Variants in SPSB1 observed in about 807,000 individuals in gnomAD.
SPSB1 encodes SPRY domain-containing SOCS box protein 1.
In SPSB1, 8 loss-of-function variants were observed where a neutral mutation model predicts 21.2. That is an observed-to-expected ratio of 0.38 (90% CI 0.22 to 0.68). The LOEUF is 0.68. SPSB1 is among the 30% of genes least tolerant of loss of function. The pLI, the probability that SPSB1 is intolerant of heterozygous loss-of-function variation, is 0.53. For missense variants in SPSB1, 242 were observed against 377.8 expected, an observed-to-expected ratio of 0.64 and a Z score of 2.98; for synonymous variants, 169 against 161.7, an observed-to-expected ratio of 1.05 and a Z score of -0.34.
At position 9,367,322 on chromosome 1, in the gene SPSB1, A is replaced by C; in HGVS notation, c.695-126A>C. ...TAAATTTAAAATGAAAAAGCATTGC[A>C]TTTTTCATTGTTTCTTTACTGATTT... On this transcript the variant is annotated intron_variant, in intron 2 of 2. Coordinates refer to ENST00000328089, the MANE Select transcript of SPSB1 (RefSeq NM_025106.4). This position sits in a 1 kb window ranked among gnomAD's most constrained non-coding sequence, Gnocchi z 5.9. 1 of 1,525,810 alleles carries C rather than the reference A, an allele frequency of 6.6e-7. No individual in the cohort carries two copies. Among genetic ancestry groups the C allele is most frequent in the Non-Finnish European group, 8.9e-7 (1 of 1,117,984 alleles). 94.5% of individuals were successfully genotyped at this position (1,525,810 alleles called of 1,614,324 possible).
chr1:9,313,291 T>C (rs927533988), intron 1 of SPSB1, among the ~76,000 whole-genome samples: 38 of 152,048 alleles, frequency 2.5e-4, no homozygotes, highest in African/African-American at 8.9e-4. Context: ...TCCCAGCTAC[T>C]TGGGAGGCTG....
Position 9,361,156 on chromosome 1 carries a change from C to CTTTTTTTTTTTTTTTTTTTTTTT in SPSB1, c.694+4576_694+4598dup, listed in dbSNP as rs57871457. 2.7e-4 allele frequency among the ~76,000 whole-genome samples: 28 copies of CTTTTTTTTTTTTTTTTTTTTTTT among 102,568 alleles called. 3 individuals are homozygous for CTTTTTTTTTTTTTTTTTTTTTTT. Among genetic ancestry groups the CTTTTTTTTTTTTTTTTTTTTTTT allele is most frequent in the African/African-American group, 8.3e-4 (20 of 24,218 alleles). 67.3% of individuals were successfully genotyped at this position (102,568 alleles called of 152,430 possible). A position where few individuals can be genotyped will look rare whatever the true frequency, so the allele number is the denominator to read the frequency against. ...CAGGCATGGCTGGATCTGTCATTTTCTTTTTTTTTTTTTTTTTTTTTTTTT... is the reference window on the plus strand; with the variant it reads ...CAGGCATGGCTGGATCTGTCATTTTCTTTTTTTTTTTTTTTTTTTTTTTTTTTTTTTTTTTTTTTTTTTTTTTT... On this transcript the variant is annotated intron_variant, in intron 2 of 2. Coordinates refer to ENST00000328089, the MANE Select transcript of SPSB1 (RefSeq NM_025106.4).
rs557052377 is a variant in SPSB1 at position 9,356,743 on chromosome 1, G to A, written c.694+158G>A. On this transcript the variant is annotated intron_variant, in intron 2 of 2. Transcript: ENST00000328089. This position sits in a 1 kb window ranked among gnomAD's most constrained non-coding sequence, Gnocchi z 7.4. ...AGAGGCAACTTTTGCATCGGGTTAA[G>A]TGAGGAATTCTACCCAGAGTCAGCT... Among the ~76,000 whole-genome samples the A allele has an allele frequency of 2.0e-5, 3 of 152,340 alleles. No individual in the cohort carries two copies. In the South Asian group the frequency reaches 6.2e-4, roughly 32 times the overall value.
chr1:9,364,282 C>G (rs1640522025), intron 2 of SPSB1, among the ~76,000 whole-genome samples: 1 of 152,226 alleles, frequency 6.6e-6, no homozygotes, highest in African/African-American at 2.4e-5. Flanking sequence ...AGAGAACACA[C>G]CTGCAAATTC....
intron 1 of SPSB1, among the ~76,000 whole-genome samples, chr1:9,303,125 GA>G (rs1426912388): frequency 6.6e-6 from 1 of 152,204 alleles, no homozygotes; most frequent in Non-Finnish European, 1.5e-5. Context: ...CTACCAAGGG[GA>G]AATTGATCTG....
chr1:9,334,759 G>T (rs926126246), intron 1 of SPSB1, among the ~76,000 whole-genome samples: 1 of 152,134 alleles, frequency 6.6e-6, no homozygotes, highest in Non-Finnish European at 1.5e-5. Flanking sequence ...CTATGGATCC[G>T]ATTGTCTTAG....
chr1:9,327,107 G>T (rs1045847094), intron 1 of SPSB1, among the ~76,000 whole-genome samples: 3 of 152,178 alleles, frequency 2.0e-5, no homozygotes, highest in Non-Finnish European at 4.4e-5. Flanking sequence ...GTGGGGAAGA[G>T]ACTAGCACAA....
At chr1:9,327,969 G>A (rs1303942820) in intron 1 of SPSB1, among the ~76,000 whole-genome samples, 1 of 152,262 alleles carries the variant, frequency 6.6e-6, no homozygotes, top group African/African-American at 2.4e-5. Flanking sequence ...TCTCACCAAA[G>A]TGCAAGCCGC....
intron 2 of SPSB1, among the ~76,000 whole-genome samples, chr1:9,362,525 A>G (rs1640498954): frequency 6.6e-6 from 1 of 152,266 alleles, no homozygotes; most frequent in Non-Finnish European, 1.5e-5. Context: ...GGCCAGCCAC[A>G]GGAGCCATGA....
At chr1:9,354,464 C>T (rs1221109041) in intron 1 of SPSB1, among the ~76,000 whole-genome samples, 1 of 152,036 alleles carries the variant, frequency 6.6e-6, no homozygotes, top group African/African-American at 2.4e-5. Context: ...CTTCCAGAGG[C>T]CAAGGAGGTT....
chr1:9,366,379 G>A (rs1353197977), intron 2 of SPSB1, among the ~76,000 whole-genome samples: 1 of 152,236 alleles, frequency 6.6e-6, no homozygotes, highest in Non-Finnish European at 1.5e-5. Context: ...TCTCCATGTG[G>A]CACAGAAATG....
At chr1:9,365,174 C>T (rs748331113) in intron 2 of SPSB1, among the ~76,000 whole-genome samples, 6 of 151,920 alleles carry the variant, frequency 3.9e-5, no homozygotes, top group Non-Finnish European at 8.8e-5. Context: ...ATTTTTGAGA[C>T]AAGGTCTCTG....
Position 9,311,347 on chromosome 1 carries a change from C to T in SPSB1, c.-150+18276C>T, listed in dbSNP as rs187226380. 6.6e-5 allele frequency among the ~76,000 whole-genome samples: 10 copies of T among 152,086 alleles called. No homozygotes were observed. In the East Asian group the frequency reaches 1.7e-3, roughly 26 times the overall value. On this transcript the variant is annotated intron_variant, in intron 1 of 2. Transcript: ENST00000328089. Reference sequence around the variant, plus strand: ...CTTTCTTCCCCCTGATGGGTCTCGGCGTGGCTGAGGTTTTGCTTTGCTGTC... The same window carrying T: ...CTTTCTTCCCCCTGATGGGTCTCGGTGTGGCTGAGGTTTTGCTTTGCTGTC...
At chr1:9,329,115 G>A (rs1313344065) in intron 1 of SPSB1, among the ~76,000 whole-genome samples, 1 of 152,178 alleles carries the variant, frequency 6.6e-6, no homozygotes, top group Non-Finnish European at 1.5e-5. Context: ...AGGGTGGCGG[G>A]GACAGCCTCC....
intron 1 of SPSB1, among the ~76,000 whole-genome samples, chr1:9,325,396 G>A (rs1478900059): frequency 6.6e-6 from 1 of 152,208 alleles, no homozygotes. Context: ...CAGACCTGGG[G>A]CAGGAGAGCT....
intron 1 of SPSB1, among the ~76,000 whole-genome samples, chr1:9,334,689 C>CACTG (rs1490957194): frequency 6.6e-6 from 1 of 152,188 alleles, no homozygotes; most frequent in African/African-American, 2.4e-5. Context: ...GAGCTCCTGG[C>CACTG]ACTGACCCCC....
intron 1 of SPSB1, among the ~76,000 whole-genome samples, chr1:9,353,648 A>C (rs1305981265): frequency 1.3e-5 from 2 of 152,092 alleles, no homozygotes; most frequent in African/African-American, 4.8e-5. Flanking sequence ...GGCTGGGCGC[A>C]GTGGTTCCCA....
chr1:9,340,513 G>A (rs1234583617), intron 1 of SPSB1, among the ~76,000 whole-genome samples: 1 of 152,224 alleles, frequency 6.6e-6, no homozygotes, highest in East Asian at 1.9e-4. Context: ...ATATGGGAAC[G>A]GAAACTTGGG....
At chr1:9,364,805 A>G (rs993124395) in intron 2 of SPSB1, among the ~76,000 whole-genome samples, 1 of 151,106 alleles carries the variant, frequency 6.6e-6, no homozygotes, top group Non-Finnish European at 1.5e-5. Flanking sequence ...TTATTTTTTC[A>G]GTTTTGGGGT....
Sources: allele counts gnomAD v4.1 joint callset (sites outside exome capture counted in the v4.1 genomes callset), GRCh38; gene constraint gnomAD v4.1.1; non-coding constraint Gnocchi (gnomAD v3.1); transcripts MANE v1.5; gene names NCBI Gene and HGNC (gene_info 2026-07-23, HGNC 2026-07-21).